The following MCC variants were observed in gnomAD, a reference collection of about 807,000 sequenced individuals.
The protein encoded by MCC is MCC regulator of Wnt signaling pathway.
Under a neutral mutation model 116.2 loss-of-function variants are expected in MCC, and 90 were observed. That is an observed-to-expected ratio of 0.77 (90% CI 0.65 to 0.92). The LOEUF is 0.92. Among genes scored for constraint, MCC ranks in the 40% least tolerant of loss-of-function variants. The pLI, the probability that MCC is intolerant of heterozygous loss-of-function variation, is 0.00. For missense variants in MCC, 1,516 were observed against 1,312.2 expected, an observed-to-expected ratio of 1.16 and a Z score of -2.40; for synonymous variants, 578 against 510.5, an observed-to-expected ratio of 1.13 and a Z score of -1.78.
chr5:113,246,474 C>T (rs1467805052), intron 3 of MCC, among the ~76,000 whole-genome samples: 4 of 152,014 alleles, frequency 2.6e-5, no homozygotes, highest in Admixed American at 6.5e-5. Context: ...GGCTCTAGGG[C>T]GAGGGGTTGT....
chr5:113,433,903 C>A, intron 1 of MCC: 1 of 1,613,990 alleles, frequency 6.2e-7, no homozygotes, highest in Non-Finnish European at 8.5e-7. Context: ...CCCTCAGGCT[C>A]CAGCTTGGTG....
chr5:113,265,934 C>T (rs1765401769), intron 3 of MCC, among the ~76,000 whole-genome samples: 1 of 151,972 alleles, frequency 6.6e-6, no homozygotes, highest in Admixed American at 6.6e-5. Context: ...ATAGACAATA[C>T]CTTAAATATC....
chr5:113,414,257 G>A (rs1202892869), intron 1 of MCC, among the ~76,000 whole-genome samples: 1 of 152,194 alleles, frequency 6.6e-6, no homozygotes, highest in Admixed American at 6.5e-5. Context: ...GATTCGGGGT[G>A]GAGAGTTCTG....
chr5:113,464,393 C>T (rs898259824), intron 1 of MCC, among the ~76,000 whole-genome samples: 1 of 152,174 alleles, frequency 6.6e-6, no homozygotes, highest in African/African-American at 2.4e-5. Flanking sequence ...ATGGCTTTTG[C>T]CTTTGCTGTT....
intron 3 of MCC, among the ~76,000 whole-genome samples, chr5:113,321,775 A>C (rs1767428053): frequency 1.3e-5 from 2 of 152,190 alleles, no homozygotes; most frequent in Non-Finnish European, 2.9e-5. Context: ...GAGCTGGTTA[A>C]AATGCAGATT....
chr5:113,353,590 T>A (rs915880896), intron 2 of MCC, among the ~76,000 whole-genome samples: 6 of 152,188 alleles, frequency 3.9e-5, no homozygotes, highest in African/African-American at 1.4e-4. Flanking sequence ...ACGTAAACAT[T>A]TAAACCAATA....
intron 17 of MCC, 144 bp from the exon 18 acceptor site, chr5:113,029,200 A>G (rs765599973): frequency 6.2e-6 from 4 of 641,538 alleles, no homozygotes; most frequent in East Asian, 3.0e-5. Flanking sequence ...AAAGGGCCCA[A>G]CAGCGCTACT....
intron 2 of MCC, among the ~76,000 whole-genome samples, chr5:113,360,526 G>A (rs1363166418): frequency 1.3e-5 from 2 of 152,090 alleles, no homozygotes; most frequent in African/African-American, 2.4e-5. Context: ...TGAATGTTAG[G>A]TAGACGTCAC....
chr5:113,067,111 T>G (rs560966922), intron 13 of MCC, among the ~76,000 whole-genome samples: 11 of 152,288 alleles, frequency 7.2e-5, no homozygotes, highest in Admixed American at 2.6e-4. Context: ...AATGACATGC[T>G]TGTGTCCAAT....
chr5:113,111,664 C>T (rs1234131366), intron 6 of MCC, among the ~76,000 whole-genome samples: 1 of 152,162 alleles, frequency 6.6e-6, no homozygotes, highest in Admixed American at 6.5e-5. Context: ...ACTACAGGAA[C>T]TTAACTCTTC....
intron 1 of MCC, among the ~76,000 whole-genome samples, chr5:113,394,612 G>A (rs191924660): frequency 3.8e-4 from 58 of 152,248 alleles, no homozygotes; most frequent in African/African-American, 1.1e-3. Flanking sequence ...CCTCTGCTCA[G>A]AACATCCTTT....
chr5:113,214,603 T>C (rs1763244397), intron 3 of MCC, among the ~76,000 whole-genome samples: 2 of 152,144 alleles, frequency 1.3e-5, no homozygotes, highest in South Asian at 4.1e-4. Context: ...GCCTTATCAG[T>C]ATCAGTGCCT....
At chr5:113,418,689 T>TATC (rs58461374) in intron 1 of MCC, among the ~76,000 whole-genome samples, 16,340 of 131,158 alleles carry the variant, frequency 0.12, 1,165 homozygotes, top group Non-Finnish European at 0.16. Flanking sequence ...TCATCATTAT[T>TATC]ATCATCATCA....
intron 1 of MCC, chr5:113,399,898 G>A (rs1340197635): frequency 1.3e-5 from 2 of 152,088 alleles, no homozygotes; most frequent in East Asian, 3.8e-4. Context: ...CAGAAATAAT[G>A]AATAGCTAAG....
At chr5:113,226,232 G>C (rs1382417200) in intron 3 of MCC, among the ~76,000 whole-genome samples, 1 of 152,204 alleles carries the variant, frequency 6.6e-6, no homozygotes, top group Non-Finnish European at 1.5e-5. Context: ...CCTTTCTGGA[G>C]AGGAAAAAAA....
intron 5 of MCC, among the ~76,000 whole-genome samples, chr5:113,132,188 T>G (rs1210927285): frequency 6.6e-6 from 1 of 151,690 alleles, no homozygotes; most frequent in African/African-American, 2.4e-5. Flanking sequence ...CCTTAAAATT[T>G]TAAACATTAT....
intron 3 of MCC, among the ~76,000 whole-genome samples, chr5:113,254,593 T>C (rs1330737097): frequency 6.6e-6 from 1 of 152,156 alleles, no homozygotes; most frequent in Non-Finnish European, 1.5e-5. Flanking sequence ...AACAAAAGTA[T>C]GCCATGATCC....
intron 2 of MCC, among the ~76,000 whole-genome samples, chr5:113,347,871 A>C (rs1768172606): frequency 6.6e-6 from 1 of 152,092 alleles, no homozygotes; most frequent in Non-Finnish European, 1.5e-5. Context: ...ACACAGACTG[A>C]ATAAAGGGAT....
At position 113,046,485 on chromosome 5, in the gene MCC, T is replaced by C. The variant is rs1039120332; in HGVS notation, c.2655+2608A>G. ...GGGATTATAGGTATCAGCCACCACG[T>C]CCAGCCAAATTTCCTTACTTTGAAG... On this transcript the variant is annotated intron_variant, in intron 16 of 18. Transcript: ENST00000408903. Among the ~76,000 whole-genome samples, 3 of 151,760 alleles carry C rather than the reference T, an allele frequency of 2.0e-5. No individual in the cohort carries two copies. In the South Asian group the frequency reaches 6.3e-4, roughly 32 times the overall value.
Sources: allele counts gnomAD v4.1 joint callset (sites outside exome capture counted in the v4.1 genomes callset), GRCh38; gene constraint gnomAD v4.1.1; transcripts MANE v1.5; gene names NCBI Gene and HGNC (gene_info 2026-07-23, HGNC 2026-07-21).